The following DCDC2 variants were observed in gnomAD, a reference collection of about 807,000 sequenced individuals.
DCDC2 encodes doublecortin domain-containing protein 2.
Under a neutral mutation model 50.2 loss-of-function variants are expected in DCDC2, and 40 were observed. The ratio of observed to expected loss-of-function variants is 0.80; its 90% confidence interval spans 0.62 to 1.04. The LOEUF is 1.04. DCDC2 is among the 50% of genes least tolerant of loss of function. The pLI is 0.00. For synonymous variants in DCDC2, 234 were observed against 210.6 expected (o/e 1.11, Z -0.96); for missense variants, 570 against 581.9 (o/e 0.98, Z 0.21).
intron 7 of DCDC2, among the ~76,000 whole-genome samples, chr6:24,261,204 C>CTTTTTTTTT (rs10694761): frequency 7.4e-6 from 1 of 135,750 alleles, no homozygotes; most frequent in Non-Finnish European, 1.5e-5. Context: ...CATTTTCTTG[C>CTTTTTTTTT]TTTTTTTTTT....
At chr6:24,352,314 G>A (rs951204971) in intron 2 of DCDC2, among the ~76,000 whole-genome samples, 1 of 152,108 alleles carries the variant, frequency 6.6e-6, no homozygotes, top group Non-Finnish European at 1.5e-5. Flanking sequence ...TTAAACAGGT[G>A]TGTATCCTTT....
At position 24,218,105 on chromosome 6, in the gene DCDC2, C is replaced by T. The variant is rs115116117; in HGVS notation, c.923-13003G>A. Among the ~76,000 whole-genome samples, 1,467 of 152,260 alleles carry T rather than the reference C, an allele frequency of 9.6e-3. 12 individuals carry two copies. Among genetic ancestry groups the T allele is most frequent in the African/African-American group, 0.019 (794 of 41,552 alleles). ...AATATGCCTATATCAGCAATTGACA[C>T]AAACACAACTTTTGTACTCAGATAC... On this transcript the variant is annotated intron_variant, in intron 7 of 9. Transcript: ENST00000378454.
the DCDC2 span, among the ~76,000 whole-genome samples, chr6:24,364,120 T>A: frequency 1.3e-5 from 2 of 152,054 alleles, no homozygotes; most frequent in Non-Finnish European, 1.5e-5. Context: ...TCCTTCCAAC[T>A]CCCTCTATAG....
At chr6:24,278,731 C>T (rs1763412687) in intron 6 of DCDC2, among the ~76,000 whole-genome samples, 1 of 152,150 alleles carries the variant, frequency 6.6e-6, no homozygotes, top group South Asian at 2.1e-4. Context: ...TGGTGACTTC[C>T]CCTACAGTGA....
At chr6:24,219,745 G>A (rs1381156024) in intron 7 of DCDC2, among the ~76,000 whole-genome samples, 3 of 152,156 alleles carry the variant, frequency 2.0e-5, no homozygotes, top group Non-Finnish European at 2.9e-5. Flanking sequence ...TTGAACTTGT[G>A]TGCTTTGTAA....
chr6:24,277,984 AAACAATGGATCT>A, intron 7 of DCDC2, 53 bp downstream of exon 7: 1 of 1,328,678 alleles, frequency 7.5e-7, no homozygotes, highest in South Asian at 1.5e-5. Flanking sequence ...GGGCCCAGAG[AAACAATGGATCT>A]ATTTAAGAAT....
intron 7 of DCDC2, among the ~76,000 whole-genome samples, chr6:24,225,960 T>G (rs1203590978): frequency 6.6e-6 from 1 of 152,206 alleles, no homozygotes; most frequent in Non-Finnish European, 1.5e-5. Context: ...CATTTACATC[T>G]AATATTTTAG....
chr6:24,361,930 C>T (rs985605979), upstream of DCDC2, among the ~76,000 whole-genome samples: 4 of 152,094 alleles, frequency 2.6e-5, no homozygotes, highest in Non-Finnish European at 4.4e-5. Context: ...TAACTGCTGG[C>T]TTTTAGGAGG....
rs199507955 is a variant in DCDC2 at position 24,174,846 on chromosome 6, T to C, written c.1327-12A>G. Reference sequence around the variant, plus strand: ...GGGTCTACATCAGCCTAGAAGAAAATAGATCAAAACAAAGGTATTCAGCTG... The same window carrying C: ...GGGTCTACATCAGCCTAGAAGAAAACAGATCAAAACAAAGGTATTCAGCTG... On this transcript the variant is annotated splice_polypyrimidine_tract_variant and intron_variant, in intron 9 of 9. Coordinates refer to ENST00000378454, the MANE Select transcript of DCDC2 (RefSeq NM_016356.5). 10 of 1,586,468 alleles carry C rather than the reference T, an allele frequency of 6.3e-6. No individual in the cohort carries two copies. In the Admixed American group the frequency reaches 8.4e-5, roughly 13 times the overall value.
At chr6:24,310,297 AT>A (rs1235807061) in intron 2 of DCDC2, among the ~76,000 whole-genome samples, 7 of 152,150 alleles carry the variant, frequency 4.6e-5, no homozygotes, top group African/African-American at 1.7e-4. Flanking sequence ...GCTCCAGAAA[AT>A]TAAATAAGTA....
At chr6:24,179,953 CAA>C (rs56376644) in intron 8 of DCDC2, among the ~76,000 whole-genome samples, 3 of 85,980 alleles carry the variant, frequency 3.5e-5, no homozygotes, top group Non-Finnish European at 4.2e-5. Flanking sequence ...GACTCCATCT[CAA>C]AAAAAAAAAA....
chr6:24,258,541 C>T (rs1762942810), intron 7 of DCDC2, among the ~76,000 whole-genome samples: 2 of 152,102 alleles, frequency 1.3e-5, no homozygotes, highest in African/African-American at 4.8e-5. Context: ...GAAAAGTTCT[C>T]CAAGTCCCCA....
At chr6:24,349,468 G>C (rs148041839) in intron 2 of DCDC2, among the ~76,000 whole-genome samples, 3 of 152,268 alleles carry the variant, frequency 2.0e-5, no homozygotes, top group Non-Finnish European at 4.4e-5. Context: ...CAGAAGGGTA[G>C]GGGCAAGAGT....
intron 5 of DCDC2, 82 bp downstream of exon 5, chr6:24,290,850 A>G (rs1320937471): frequency 8.4e-7 from 1 of 1,196,528 alleles, no homozygotes. Flanking sequence ...AATTACATAA[A>G]ATATAATGGT....
At chr6:24,303,095 C>G (rs1203728499) in intron 2 of DCDC2, among the ~76,000 whole-genome samples, 1 of 151,830 alleles carries the variant, frequency 6.6e-6, no homozygotes, top group Non-Finnish European at 1.5e-5. Flanking sequence ...TCTGCTTGTT[C>G]ATTCATTTAA....
chr6:24,278,708 A>G (rs1035782039), intron 6 of DCDC2, among the ~76,000 whole-genome samples: 3 of 152,192 alleles, frequency 2.0e-5, no homozygotes, highest in African/African-American at 7.2e-5. Context: ...GCCAGTGTCT[A>G]TTGGATGAGA....
intron 7 of DCDC2, among the ~76,000 whole-genome samples, chr6:24,262,770 C>T (rs538457254): frequency 1.3e-4 from 20 of 152,244 alleles, no homozygotes; most frequent in Non-Finnish European, 2.6e-4. Flanking sequence ...GAAGGGAACC[C>T]ACCTTGGGCC....
chr6:24,198,986 A>C (rs1191184998), intron 8 of DCDC2, among the ~76,000 whole-genome samples: 1 of 152,184 alleles, frequency 6.6e-6, no homozygotes, highest in Non-Finnish European at 1.5e-5. Flanking sequence ...AGGGCATCTC[A>C]GAAAGAGAGG....
At chr6:24,361,301 G>A (rs921170449), upstream of DCDC2, among the ~76,000 whole-genome samples, 6 of 152,128 alleles carry the variant, frequency 3.9e-5, no homozygotes, top group East Asian at 5.8e-4. Context: ...AGGGAGAGGA[G>A]CAGAAAAAAT....
Sources: allele counts gnomAD v4.1 joint callset (sites outside exome capture counted in the v4.1 genomes callset), GRCh38; gene constraint gnomAD v4.1.1; transcripts MANE v1.5; gene names NCBI Gene and HGNC (gene_info 2026-07-23, HGNC 2026-07-21).